Variants in GRID2 observed in about 807,000 individuals in gnomAD.
GRID2 encodes the protein glutamate ionotropic receptor delta type subunit 2.
GRID2 carries 33 observed loss-of-function variants against 114.8 expected under a neutral mutation model. That is an observed-to-expected ratio of 0.29 (90% CI 0.22 to 0.38). The LOEUF is 0.38. Ranked by LOEUF, GRID2 falls within the 10% of genes least tolerant of loss-of-function variation. The pLI is 1.00. For synonymous variants in GRID2, 505 were observed against 449.9 expected (o/e 1.12, Z -1.55); for missense variants, 1,184 against 1,257.7 (o/e 0.94, Z 0.89).
At chr4:92,714,159 T>C (rs1735417229) in intron 2 of GRID2, among the ~76,000 whole-genome samples, 1 of 152,124 alleles carries the variant, frequency 6.6e-6, no homozygotes, top group African/African-American at 2.4e-5. Flanking sequence ...ATGGGAGAAA[T>C]GGGCCAAAAC....
At chr4:93,572,974 T>G (rs1460653419) in intron 13 of GRID2, among the ~76,000 whole-genome samples, 1 of 152,066 alleles carries the variant, frequency 6.6e-6, no homozygotes, top group African/African-American at 2.4e-5. Flanking sequence ...GTACATCATT[T>G]CCCCCTAGAA....
chr4:93,373,627 TG>T, intron 8 of GRID2, among the ~76,000 whole-genome samples: 1 of 152,324 alleles, frequency 6.6e-6, no homozygotes, highest in Non-Finnish European at 1.5e-5. Context: ...TGAATTCATT[TG>T]TAACTGAATC....
intron 2 of GRID2, among the ~76,000 whole-genome samples, chr4:92,640,949 C>A (rs1731312009): frequency 6.6e-6 from 1 of 151,326 alleles, no homozygotes; most frequent in Non-Finnish European, 1.5e-5. Context: ...ATTAAGTTAT[C>A]TGTTTTAATA....
At chr4:92,839,345 G>T (rs980613494) in intron 2 of GRID2, among the ~76,000 whole-genome samples, 2 of 150,476 alleles carry the variant, frequency 1.3e-5, no homozygotes, top group Non-Finnish European at 1.5e-5. Flanking sequence ...GTATACATGT[G>T]CCATGTTGGT....
In GRID2 at chr4:92,478,100, A is replaced by T. The variant is rs1196306951; in HGVS notation, c.89-112031A>T. Among the ~76,000 whole-genome samples, 4 of 151,940 alleles carry T rather than the reference A, an allele frequency of 2.6e-5. No homozygotes were observed. The East Asian group carries it at 7.7e-4, about 29-fold the overall frequency. Reference sequence around the variant, plus strand: ...ACTGTATCCCATCCAATATCATAGAATAATATTTTCTATATTACTGCAATT... The same window carrying T: ...ACTGTATCCCATCCAATATCATAGATTAATATTTTCTATATTACTGCAATT... On this transcript the variant is annotated intron_variant, in intron 1 of 15. Transcript: ENST00000282020.
chr4:92,890,914 C>T (rs924875920), intron 2 of GRID2, among the ~76,000 whole-genome samples: 8 of 152,116 alleles, frequency 5.3e-5, no homozygotes, highest in African/African-American at 1.9e-4. Flanking sequence ...ACATATACAC[C>T]ATGGAATACT....
At chr4:93,625,309 A>G (rs997450035) in intron 13 of GRID2, among the ~76,000 whole-genome samples, 5 of 152,216 alleles carry the variant, frequency 3.3e-5, no homozygotes, top group African/African-American at 1.2e-4. Flanking sequence ...GAACTGGTAG[A>G]AGCACAAAGA....
chr4:93,215,615 C>A (rs996051741), intron 5 of GRID2, among the ~76,000 whole-genome samples: 1 of 151,952 alleles, frequency 6.6e-6, no homozygotes, highest in Non-Finnish European at 1.5e-5. Flanking sequence ...CAGGCTATTA[C>A]ACTAGAGCTA....
chr4:92,614,265 A>C (rs1399603275), intron 2 of GRID2, among the ~76,000 whole-genome samples: 3 of 151,556 alleles, frequency 2.0e-5, no homozygotes, highest in African/African-American at 7.3e-5. Context: ...TTAGCTTCCA[A>C]ATATGAATGA....
intron 8 of GRID2, among the ~76,000 whole-genome samples, chr4:93,328,433 T>G (rs921023012): frequency 1.3e-5 from 2 of 152,178 alleles, no homozygotes; most frequent in Non-Finnish European, 2.9e-5. Context: ...TCCAGTACTT[T>G]ATTCTGATCC....
At chr4:92,938,515 C>A (rs1227023868) in intron 2 of GRID2, among the ~76,000 whole-genome samples, 1 of 146,422 alleles carries the variant, frequency 6.8e-6, no homozygotes, top group Non-Finnish European at 1.5e-5. Context: ...AGTATAGTAA[C>A]AACCCTAGCT....
chr4:93,512,127 G>T (rs1045495661), intron 12 of GRID2, among the ~76,000 whole-genome samples: 2 of 151,924 alleles, frequency 1.3e-5, no homozygotes, highest in African/African-American at 2.4e-5. Flanking sequence ...AATGTCTATT[G>T]TTAAAAAAGA....
Position 93,279,637 on chromosome 4 carries a change from T to G in GRID2, c.1245+41147T>G, listed in dbSNP as rs115949022. Among the ~76,000 whole-genome samples, 832 of 152,052 alleles carry G rather than the reference T, an allele frequency of 5.5e-3. 12 individuals are homozygous for G. The highest frequency in any genetic ancestry group is 0.019 in the African/African-American group (784 of 41,514). ...TTGCTTGAATTTTAGATATTTCGAC[T>G]CCTAAGATATAAAAATGATTTTGCT... is the stretch of plus-strand genomic sequence containing the variant. On this transcript the variant is annotated intron_variant, in intron 8 of 15. Transcript: ENST00000282020.
intron 14 of GRID2, among the ~76,000 whole-genome samples, chr4:93,743,458 T>A (rs1026328884): frequency 6.6e-6 from 1 of 152,178 alleles, no homozygotes; most frequent in African/African-American, 2.4e-5. Context: ...TATAAAGAAA[T>A]ACCTGAGACT....
At chr4:92,411,948 G>A (rs978655620) in intron 1 of GRID2, among the ~76,000 whole-genome samples, 5 of 151,562 alleles carry the variant, frequency 3.3e-5, no homozygotes, top group African/African-American at 7.3e-5. Context: ...CTTGTGATCC[G>A]CCCGCCTCGG....
chr4:93,575,693 T>G (rs1736356795), intron 13 of GRID2, among the ~76,000 whole-genome samples: 2 of 152,168 alleles, frequency 1.3e-5, no homozygotes, highest in African/African-American at 4.8e-5. Context: ...AGTGTTATAT[T>G]TTACTGATAT....
At chr4:93,057,918 G>A (rs933332219) in intron 2 of GRID2, among the ~76,000 whole-genome samples, 5 of 151,774 alleles carry the variant, frequency 3.3e-5, no homozygotes, top group African/African-American at 1.2e-4. Flanking sequence ...TACTCAATTC[G>A]TCATTCCCCT....
chr4:93,409,072 A>G (rs373206464), intron 9 of GRID2, among the ~76,000 whole-genome samples: 3 of 152,144 alleles, frequency 2.0e-5, no homozygotes, highest in South Asian at 4.1e-4. Flanking sequence ...TCTTTTAGGG[A>G]AGAGACTCTT....
At chr4:93,179,792 C>T (rs1438445936) in intron 4 of GRID2, among the ~76,000 whole-genome samples, 2 of 152,044 alleles carry the variant, frequency 1.3e-5, no homozygotes, top group Admixed American at 6.6e-5. Context: ...TCAAACAACA[C>T]TACTAATGGA....
Sources: allele counts gnomAD v4.1 joint callset (sites outside exome capture counted in the v4.1 genomes callset), GRCh38; gene constraint gnomAD v4.1.1; transcripts MANE v1.5; gene names NCBI Gene and HGNC (gene_info 2026-07-23, HGNC 2026-07-21).